The following ULK4 variants were observed in gnomAD, a reference collection of about 807,000 sequenced individuals.
ULK4 encodes unc-51 like kinase 4.
ULK4 carries 133 observed loss-of-function variants against 160.6 expected under a neutral mutation model. That is an observed-to-expected ratio of 0.83 (90% confidence interval 0.72 to 0.96). ULK4 has a LOEUF of 0.96. Among genes scored for constraint, ULK4 ranks in the 40% least tolerant of loss-of-function variants. ULK4 has a pLI of 0.00. For missense variants in ULK4, 1,580 were observed against 1,499.5 expected, an observed-to-expected ratio of 1.05 and a Z score of -0.89; for synonymous variants, 534 against 539.8, an observed-to-expected ratio of 0.99 and a Z score of 0.15.
At chr3:41,648,896 G>A (rs1428885340) in intron 30 of ULK4, among the ~76,000 whole-genome samples, 1 of 152,124 alleles carries the variant, frequency 6.6e-6, no homozygotes, top group Non-Finnish European at 1.5e-5. Flanking sequence ...CACTTTAGGA[G>A]GCCAAGGCGG....
intron 31 of ULK4, among the ~76,000 whole-genome samples, chr3:41,603,892 C>T (rs771667335): frequency 1.2e-4 from 19 of 152,040 alleles, no homozygotes; most frequent in Non-Finnish European, 2.1e-4. Flanking sequence ...CCTGTTAAAT[C>T]CAGCACTACA....
In ULK4 at chr3:41,269,199, T is replaced by G. The variant is rs569611666; in HGVS notation, c.3679-19625A>C. ...GTGTGATGAGCAGGACTATTTTGTA[T>G]TTAGGGTATAATCACTCACAAGTAT... On this transcript the variant is annotated intron_variant, in intron 35 of 36. Coordinates refer to ENST00000301831, the MANE Select transcript of ULK4 (RefSeq NM_017886.4). Among the ~76,000 whole-genome samples the G allele has an allele frequency of 4.7e-4, 71 of 152,284 alleles. No homozygotes were observed. In the Middle Eastern group the frequency reaches 0.01, roughly 22 times the overall value.
intron 22 of ULK4, among the ~76,000 whole-genome samples, chr3:41,749,569 G>A (rs1417673859): frequency 6.6e-6 from 1 of 152,118 alleles, no homozygotes; most frequent in Non-Finnish European, 1.5e-5. Context: ...AAGGTAGGAC[G>A]GGCTAAGCTA....
Position 41,789,831 on chromosome 3 carries a change from T to G in ULK4, c.2023A>C (p.Ile675Leu). Residue 675 changes from isoleucine to leucine, a missense_variant, in exon 21 of 37, where the codon ATC becomes CTC. Transcript: ENST00000301831. Reference sequence around the variant, plus strand: ...AAGGCAGTAGGAGAATGGCGAGTGATTCTACACAAGGCCTACAAAGACAAG... The same window carrying G: ...AAGGCAGTAGGAGAATGGCGAGTGAGTCTACACAAGGCCTACAAAGACAAG... The part of the protein sequence containing the change: ...RITAVSALCR[I>L]TRHSPTAFQN... 6.2e-7 allele frequency: 1 copy of G among 1,609,546 alleles called. No homozygotes were observed.
chr3:41,955,183 G>A (rs1334808583), intron 1 of ULK4, among the ~76,000 whole-genome samples: 4 of 152,172 alleles, frequency 2.6e-5, no homozygotes, highest in Non-Finnish European at 4.4e-5. Context: ...CCAGCTACGC[G>A]GGAGGCTGAG....
intron 35 of ULK4, among the ~76,000 whole-genome samples, chr3:41,265,210 G>A (rs145232791): frequency 6.7e-4 from 102 of 152,348 alleles, no homozygotes; most frequent in Non-Finnish European, 1.1e-3. Context: ...GCCACAGGGG[G>A]CCACGGCCAG....
intron 32 of ULK4, among the ~76,000 whole-genome samples, chr3:41,533,075 G>C (rs2086377528): frequency 6.6e-6 from 1 of 152,140 alleles, no homozygotes; most frequent in African/African-American, 2.4e-5. Flanking sequence ...TAGCCTCCTT[G>C]AGTATAAGAG....
At chr3:41,943,151 T>G (rs1404487899) in intron 2 of ULK4, among the ~76,000 whole-genome samples, 3 of 148,926 alleles carry the variant, frequency 2.0e-5, no homozygotes, top group Admixed American at 6.8e-5. Flanking sequence ...AGGCGGAGCT[T>G]GCAGTGAGCC....
intron 17 of ULK4, among the ~76,000 whole-genome samples, chr3:41,863,906 G>A (rs192024056): frequency 1.3e-5 from 2 of 151,832 alleles, no homozygotes; most frequent in Non-Finnish European, 2.9e-5. Context: ...TATGCAGCCT[G>A]GGGTTGGGGG....
At chr3:41,377,949 C>A (rs1419098156) in intron 35 of ULK4, among the ~76,000 whole-genome samples, 2 of 151,478 alleles carry the variant, frequency 1.3e-5, no homozygotes, top group Non-Finnish European at 2.9e-5. Flanking sequence ...GCACTATTCA[C>A]AATAGCAAAG....
intron 22 of ULK4, among the ~76,000 whole-genome samples, chr3:41,730,181 C>T (rs974999703): frequency 2.0e-5 from 3 of 151,622 alleles, no homozygotes; most frequent in Non-Finnish European, 2.9e-5. Flanking sequence ...AATAAATGCC[C>T]GCATCAAAAA....
At chr3:41,443,999 G>A (rs1477870451) in intron 34 of ULK4, among the ~76,000 whole-genome samples, 4 of 151,964 alleles carry the variant, frequency 2.6e-5, no homozygotes, top group Non-Finnish European at 5.9e-5. Context: ...AAATAATGCT[G>A]TAAAGTATAT....
intron 34 of ULK4, among the ~76,000 whole-genome samples, chr3:41,410,606 C>T (rs1430560569): frequency 6.7e-6 from 1 of 150,338 alleles, no homozygotes; most frequent in Non-Finnish European, 1.5e-5. Flanking sequence ...GCACAATATA[C>T]AAAAATATTG....
intron 35 of ULK4, among the ~76,000 whole-genome samples, chr3:41,270,020 T>C (rs538679791): frequency 2.6e-4 from 39 of 150,408 alleles, no homozygotes; most frequent in African/African-American, 7.8e-4. Flanking sequence ...TATATATGTA[T>C]CATATTAGGA....
intron 12 of ULK4, among the ~76,000 whole-genome samples, chr3:41,907,301 AT>A (rs71075494): frequency 4.7e-5 from 7 of 147,906 alleles, no homozygotes; most frequent in South Asian, 2.1e-4. Context: ...CCTTTTATTT[AT>A]TTTTTTTTTT....
intron 18 of ULK4, among the ~76,000 whole-genome samples, chr3:41,820,718 C>T (rs1224360489): frequency 6.6e-6 from 1 of 152,140 alleles, no homozygotes; most frequent in African/African-American, 2.4e-5. Flanking sequence ...GTACCCCAAA[C>T]CGCAGCATCA....
chr3:41,727,850 G>T (rs989230777), intron 22 of ULK4, among the ~76,000 whole-genome samples: 2 of 152,162 alleles, frequency 1.3e-5, no homozygotes, highest in Non-Finnish European at 2.9e-5. Context: ...TGGTGGCTTT[G>T]GTTAGTGTGG....
chr3:41,836,011 G>T, intron 17 of ULK4, 40 bp from the exon 18 acceptor site: 2 of 1,322,844 alleles, frequency 1.5e-6, no homozygotes, highest in Non-Finnish European at 2.2e-6. Context: ...TATTTCAAAT[G>T]TATCTCTCAG....
chr3:41,717,183 C>T (rs940577988), intron 23 of ULK4, among the ~76,000 whole-genome samples: 2 of 151,974 alleles, frequency 1.3e-5, no homozygotes, highest in African/African-American at 4.8e-5. Context: ...AGGTGGGTGA[C>T]GGACACCCTA....
Sources: gnomAD v4.1 joint callset for allele counts (sites outside exome capture counted in the v4.1 genomes callset) on GRCh38, gnomAD v4.1.1 for gene constraint, MANE v1.5 for transcripts, NCBI Gene and HGNC (gene_info 2026-07-23, HGNC 2026-07-21) for gene names.